ARL14EP: variants seen among roughly 807,000 people sequenced by gnomAD.
The protein encoded by ARL14EP is ARL14 effector protein.
ARL14EP carries 12 observed loss-of-function variants against 23.1 expected under a neutral mutation model. The ratio of observed to expected loss-of-function variants is 0.52; its 90% CI spans 0.33 to 0.84. The LOEUF (loss-of-function observed/expected upper bound fraction) is 0.84, where lower values mean the gene tolerates loss of function less well. Among genes scored for constraint, ARL14EP ranks in the 40% least tolerant of loss-of-function variants. The pLI is 0.02. For synonymous variants in ARL14EP, 97 were observed against 102.0 expected (o/e 0.95, Z 0.29); for missense variants, 253 against 307.3 (o/e 0.82, Z 1.32).
rs1297301295 is a variant in ARL14EP, at chr11:30,337,365, C to G, written c.*570C>G. 2 of 154,984 alleles carry G rather than the reference C, an allele frequency of 1.3e-5. No homozygotes were observed. The highest frequency in any genetic ancestry group is 4.8e-5 in the African/African-American group (2 of 41,440). 9.6% of individuals were successfully genotyped at this position (154,984 alleles called of 1,614,324 possible). On this transcript the variant is annotated 3_prime_UTR_variant, in exon 4 of 4. Coordinates refer to ENST00000282032, the MANE Select transcript of ARL14EP (RefSeq NM_152316.3). ...ACAGCAGAGCATGTAGTTATGCTGT[C>G]TCTCTGTCATCTACTTGACATTCTA...
intron 3 of ARL14EP, among the ~76,000 whole-genome samples, chr11:30,335,214 G>T (rs962719589): frequency 1.3e-5 from 2 of 152,180 alleles, no homozygotes; most frequent in Non-Finnish European, 2.9e-5. Context: ...ATGTGACTGA[G>T]TTATTGCAAT....
In ARL14EP at chr11:30,336,688, T is replaced by G. The variant is rs372835243; in HGVS notation, c.676T>G (p.Cys226Gly). 8 of 1,614,068 alleles carry G rather than the reference T, an allele frequency of 5.0e-6. No homozygotes were observed. Among genetic ancestry groups the G allele is most frequent in the Non-Finnish European group, 6.8e-6 (8 of 1,180,036 alleles). ...CLGCFYACPACGSTKCGAECR... is the reference protein window; with the variant it reads ...CLGCFYACPAGGSTKCGAECR... ...AGGATGTTTCTATGCTTGTCCTGCC[T>G]GTGGTTCTACCAAGTGTGGAGCTGA... The change falls in exon 4 of 4, where the codon TGT (cysteine) becomes GGT (glycine). Residue 226 changes from cysteine (C) to glycine (G), a missense_variant. Cys to Gly is a radical substitution (Grantham distance 159). Transcript: ENST00000282032.
chr11:30,334,706 A>G lies in ARL14EP; in HGVS notation c.554+1713A>G, dbSNP rs576231274. ...GTCCTAATGATGCTAAATGTACTCT[A>G]CCTGTCCTGTATAAATGGGACAAAG... is the stretch of plus-strand genomic sequence containing the variant. On this transcript the variant is annotated intron_variant, in intron 3 of 3. Coordinates refer to ENST00000282032, the MANE Select transcript of ARL14EP (RefSeq NM_152316.3). Among the ~76,000 whole-genome samples the G allele has an allele frequency of 2.6e-5, 4 of 152,258 alleles. No individual in the cohort carries two copies. In the South Asian group the frequency reaches 6.2e-4, roughly 24 times the overall value.
At chr11:30,334,742 A>G (rs543528140) in intron 3 of ARL14EP, among the ~76,000 whole-genome samples, 52 of 152,344 alleles carry the variant, frequency 3.4e-4, no homozygotes, top group African/African-American at 1.2e-3. Flanking sequence ...CCTGAATGGC[A>G]GCATATCTGT....
Position 30,338,070 on chromosome 11 carries a change from T to C in ARL14EP, c.*1275T>C, listed in dbSNP as rs1947348396. On this transcript the variant is annotated 3_prime_UTR_variant, in exon 4 of 4. Transcript: ENST00000282032. The stretch of plus-strand genomic sequence containing the variant: ...CAGTACCATGTGAAATGAGGATCGC[T>C]TGTAGCTGGGAACAGTGCTTACTTC... 1 of 152,200 alleles carries C rather than the reference T, an allele frequency of 6.6e-6. No homozygotes were observed. 9.4% of individuals were successfully genotyped at this position (152,200 alleles called of 1,614,324 possible). A position where few individuals can be genotyped will look rare whatever the true frequency, so the allele number is the denominator to read the frequency against.
At chr11:30,333,021 T>A (rs376788007) in intron 3 of ARL14EP, 28 bp downstream of exon 3, 1 of 1,610,524 alleles carries the variant, frequency 6.2e-7, no homozygotes, top group African/African-American at 1.3e-5. Flanking sequence ...GAAGACATGT[T>A]AACTTGCTGC....
At chr11:30,336,216 T>C (rs1947330674) in intron 3 of ARL14EP, among the ~76,000 whole-genome samples, 1 of 152,156 alleles carries the variant, frequency 6.6e-6, no homozygotes, top group African/African-American at 2.4e-5. Context: ...ATAATAAAAA[T>C]AAAACTGTGT....
chr11:30,329,923 A>T (rs1177640431), intron 1 of ARL14EP: 2 of 151,556 alleles, frequency 1.3e-5, no homozygotes, highest in Non-Finnish European at 1.5e-5. Context: ...TTATTTATTT[A>T]TTTTTTTGGT....
chr11:30,333,702 C>T (rs1947305603), intron 3 of ARL14EP, among the ~76,000 whole-genome samples: 1 of 152,100 alleles, frequency 6.6e-6, no homozygotes, highest in Non-Finnish European at 1.5e-5. Context: ...GCAATGGTCT[C>T]TAAGTGTTCA....
intron 1 of ARL14EP, chr11:30,330,276 C>T (rs1352149779): frequency 6.6e-6 from 1 of 152,178 alleles, no homozygotes; most frequent in Non-Finnish European, 1.5e-5. Flanking sequence ...ATTACCTTGG[C>T]TTTCTTAGAC....
At chr11:30,336,413 C>T (rs1017935526) in intron 3 of ARL14EP, among the ~76,000 whole-genome samples, 154 bp from the exon 4 acceptor site, 8 of 151,784 alleles carry the variant, frequency 5.3e-5, no homozygotes, top group Non-Finnish European at 1.0e-4. Context: ...TTACTGCTGA[C>T]GATAGAATAA....
intron 1 of ARL14EP, chr11:30,329,700 GTA>G (rs1947267308): frequency 6.6e-6 from 1 of 152,104 alleles, no homozygotes; most frequent in Admixed American, 6.5e-5. Flanking sequence ...TTGTATGCAT[GTA>G]TTGGCTTTTG....
intron 1 of ARL14EP, chr11:30,328,646 A>G (rs868856892): frequency 6.6e-6 from 1 of 152,146 alleles, no homozygotes; most frequent in African/African-American, 2.4e-5. Flanking sequence ...TTGTAAATAC[A>G]GTATTTTGAC....
At chr11:30,336,401 A>C (rs1433382019) in intron 3 of ARL14EP, among the ~76,000 whole-genome samples, 166 bp from the exon 4 acceptor site, 1 of 152,056 alleles carries the variant, frequency 6.6e-6, no homozygotes, top group Non-Finnish European at 1.5e-5. Flanking sequence ...CATGGAGTTC[A>C]TTTACTGCTG....
At chr11:30,330,734 TTTGA>T in intron 1 of ARL14EP, 148 bp from the exon 2 acceptor site, 1 of 524,816 alleles carries the variant, frequency 1.9e-6, no homozygotes, top group South Asian at 2.3e-5. Flanking sequence ...AACGCTTCTG[TTTGA>T]TTATTAAATG....
chr11:30,332,638 C>A (rs1270245827), intron 2 of ARL14EP, among the ~76,000 whole-genome samples: 2 of 152,042 alleles, frequency 1.3e-5, no homozygotes, highest in Non-Finnish European at 2.9e-5. Flanking sequence ...ATACCAGAGA[C>A]TAAAATAAAA....
Position 30,330,961 on chromosome 11 carries a change from T to A in ARL14EP, c.13T>A (p.Cys5Ser). MMDP[C>S]SVGVQLRTTN... is the part of the protein sequence containing the mutation. ...GCTAGAATCAAGAATGATGGATCCA[T>A]GTTCAGTTGGAGTCCAGCTTCGTAC... is the stretch of plus-strand genomic sequence containing the variant. The change falls in exon 2 of 4, where the codon TGT becomes AGT. Residue 5 changes from cysteine to serine, a missense_variant. Cys to Ser is a moderately radical substitution (Grantham distance 112). Transcript: ENST00000282032. 6.2e-7 allele frequency: 1 copy of A among 1,613,684 alleles called. No individual in the cohort carries two copies. The highest frequency in any genetic ancestry group is 8.5e-7 in the Non-Finnish European group (1 of 1,179,698).
intron 1 of ARL14EP, 86 bp downstream of exon 1, chr11:30,323,288 G>A (rs1590662310): frequency 6.5e-6 from 1 of 153,172 alleles, no homozygotes; most frequent in East Asian, 1.9e-4. Context: ...GCGGCGTAAC[G>A]GGGGAACCCG....
In ARL14EP at chr11:30,336,602, G is replaced by A. The variant is rs201228539; in HGVS notation, c.590G>A (p.Ser197Asn). The change falls in exon 4 of 4, where the codon AGC (serine) becomes AAC (asparagine). Residue 197 changes from serine to asparagine, a missense_variant. By Grantham distance (46) the Ser-to-Asn change is conservative. Coordinates refer to ENST00000282032, the MANE Select transcript of ARL14EP (RefSeq NM_152316.3). ...VIPAKSKVYD[S>N]QGLLIFSGMD... is the part of the protein sequence containing the mutation. ...CCAGCAAAGAGTAAGGTCTATGATA[G>A]CCAGGGTCTCCTGATTTTTAGTGGG... 6.2e-7 allele frequency: 1 copy of A among 1,613,814 alleles called. No homozygotes were observed. The highest frequency in any genetic ancestry group is 2.2e-5 in the East Asian group (1 of 44,864).
Sources: gnomAD v4.1 joint callset for allele counts (sites outside exome capture counted in the v4.1 genomes callset) on GRCh38, gnomAD v4.1.1 for gene constraint, MANE v1.5 for transcripts, NCBI Gene and HGNC (gene_info 2026-07-23, HGNC 2026-07-21) for gene names.